The following STAC variants were observed in gnomAD, a reference collection of about 807,000 sequenced individuals.
STAC encodes SH3 and cysteine-rich domain-containing protein.
STAC carries 43 observed loss-of-function variants against 48.8 expected under a neutral mutation model. The observed-to-expected ratio is 0.88, with a 90% CI of 0.69 to 1.14. The LOEUF (loss-of-function observed/expected upper bound fraction) is 1.14, where lower values mean the gene tolerates loss of function less well. STAC is among the 50% of genes most tolerant of loss of function. The pLI, the probability that STAC is intolerant of heterozygous loss-of-function variation, is 0.00. For synonymous variants in STAC, 193 were observed against 179.5 expected, an observed-to-expected ratio of 1.07 and a Z score of -0.60; for missense variants, 497 against 504.0, an observed-to-expected ratio of 0.99 and a Z score of 0.13.
At chr3:36,525,985 A>G (rs958985613) in intron 8 of STAC, among the ~76,000 whole-genome samples, 1 of 152,228 alleles carries the variant, frequency 6.6e-6, no homozygotes, top group African/African-American at 2.4e-5. Flanking sequence ...GTCAGAAAAT[A>G]CATTTTTTTT....
intron 6 of STAC, among the ~76,000 whole-genome samples, chr3:36,502,073 C>T (rs1698294826): frequency 6.6e-6 from 1 of 152,090 alleles, no homozygotes; most frequent in Non-Finnish European, 1.5e-5. Context: ...CTAAAAAACA[C>T]AGTGGTCTTG....
At chr3:36,541,072 A>C (rs1335446705) in intron 10 of STAC, among the ~76,000 whole-genome samples, 1 of 152,180 alleles carries the variant, frequency 6.6e-6, no homozygotes, top group Non-Finnish European at 1.5e-5. Flanking sequence ...GCTATCCTTG[A>C]AATGATAGCT....
Position 36,443,477 on chromosome 3 carries a change from G to A in STAC, c.225G>A (p.Met75Ile), listed in dbSNP as rs1453270279. ...NSEDMKLQAH[M>I]VAEISPSSSP... ...AAGACATGAAACTGCAAGCACACAT[G>A]GTGGCTGAGATCAGCCCCAGCTCCA... The change falls in exon 2 of 11, where the codon ATG becomes ATA. Residue 75 changes from methionine to isoleucine, a missense_variant. Coordinates refer to ENST00000273183, the MANE Select transcript of STAC (RefSeq NM_003149.3). The surrounding 1 kb of genome is among the most constrained non-coding windows in gnomAD (Gnocchi z 4.2). The A allele has an allele frequency of 6.2e-7, 1 of 1,614,206 alleles. No individual in the cohort carries two copies. The highest frequency in any genetic ancestry group is 1.1e-5 in the South Asian group (1 of 91,078).
intron 2 of STAC, among the ~76,000 whole-genome samples, chr3:36,480,098 T>A (rs1436963229): frequency 1.3e-5 from 2 of 152,218 alleles, no homozygotes; most frequent in African/African-American, 4.8e-5. Context: ...TTTTAACATA[T>A]AATGATGCTA....
At chr3:36,398,363 GAA>G (rs200765760) in intron 1 of STAC, among the ~76,000 whole-genome samples, 1 of 124,884 alleles carries the variant, frequency 8.0e-6, no homozygotes, top group Non-Finnish European at 1.7e-5. Context: ...AAGAAAGAAA[GAA>G]AGAAAAGAAA....
At chr3:36,448,764 G>C (rs1438411001) in intron 2 of STAC, among the ~76,000 whole-genome samples, 12 of 152,004 alleles carry the variant, frequency 7.9e-5, no homozygotes, top group Non-Finnish European at 1.8e-4. Flanking sequence ...ACTAAAAAGA[G>C]GAGTTTCTTA....
intron 5 of STAC, among the ~76,000 whole-genome samples, chr3:36,487,101 T>C (rs1697834393): frequency 6.6e-6 from 1 of 152,156 alleles, no homozygotes; most frequent in South Asian, 2.1e-4. Context: ...ACTAGGTGGA[T>C]TGTGGGAAGA....
At chr3:36,489,788 G>A (rs1697917774) in intron 5 of STAC, among the ~76,000 whole-genome samples, 1 of 152,146 alleles carries the variant, frequency 6.6e-6, no homozygotes, top group African/African-American at 2.4e-5. Flanking sequence ...TGTGGTGAGT[G>A]CACGAATCAA....
chr3:36,529,712 C>T (rs962826718), intron 10 of STAC, among the ~76,000 whole-genome samples: 20 of 152,190 alleles, frequency 1.3e-4, no homozygotes, highest in African/African-American at 4.6e-4. Context: ...GCTCTCTGGC[C>T]TACTCTTCCT....
intron 8 of STAC, among the ~76,000 whole-genome samples, chr3:36,525,987 A>G (rs574468235): frequency 8.5e-5 from 13 of 152,154 alleles, no homozygotes; most frequent in Non-Finnish European, 1.5e-5. Context: ...CAGAAAATAC[A>G]TTTTTTTTAA....
chr3:36,520,989 A>G (rs2125725521), intron 8 of STAC, among the ~76,000 whole-genome samples: 1 of 152,292 alleles, frequency 6.6e-6, no homozygotes, highest in East Asian at 1.9e-4. Context: ...GTTCCTTATT[A>G]CATACCCATG....
At chr3:36,434,043 C>T (rs1035378592) in intron 1 of STAC, among the ~76,000 whole-genome samples, 3 of 152,198 alleles carry the variant, frequency 2.0e-5, no homozygotes, top group African/African-American at 4.8e-5. Flanking sequence ...AATCCTCATA[C>T]TAAACACTAC....
intron 1 of STAC, among the ~76,000 whole-genome samples, chr3:36,424,558 G>A (rs6775506): frequency 0.64 from 97,248 of 151,720 alleles, 32,230 homozygotes; most frequent in African/African-American, 0.83. Flanking sequence ...TGCATCTAGT[G>A]CGCAGACATC....
chr3:36,543,562 GCA>G (rs200355788), intron 10 of STAC, among the ~76,000 whole-genome samples: 3,840 of 152,226 alleles, frequency 0.025, 96 homozygotes, highest in Non-Finnish European at 0.032. Flanking sequence ...ACAGCCTCTA[GCA>G]AGCAATGTTT....
chr3:36,505,629 T>TA, intron 7 of STAC, 117 bp from the exon 8 acceptor site: 1 of 676,184 alleles, frequency 1.5e-6, no homozygotes, highest in East Asian at 3.0e-5. Flanking sequence ...AGATAACACT[T>TA]ACGATCCATA....
At chr3:36,490,522 T>C (rs1209426322) in intron 5 of STAC, among the ~76,000 whole-genome samples, 2 of 152,164 alleles carry the variant, frequency 1.3e-5, no homozygotes, top group Admixed American at 6.5e-5. Context: ...TGCAAGCCTC[T>C]TCCATGCTTG....
intron 2 of STAC, among the ~76,000 whole-genome samples, chr3:36,482,332 T>G (rs553541632): frequency 6.6e-6 from 1 of 152,344 alleles, no homozygotes; most frequent in Non-Finnish European, 1.5e-5. Context: ...CCTTTGTGCA[T>G]GAAGATACCA....
chr3:36,545,816 T>C (rs1699431489), intron 10 of STAC, among the ~76,000 whole-genome samples: 1 of 152,168 alleles, frequency 6.6e-6, no homozygotes, highest in African/African-American at 2.4e-5. Flanking sequence ...ATTATTTTGG[T>C]CCTTTAAAAT....
At chr3:36,485,820 C>A (rs1697793629) in intron 4 of STAC, 1 of 188,376 alleles carries the variant, frequency 5.3e-6, no homozygotes, top group East Asian at 1.4e-4. Context: ...AGCACAGCCT[C>A]CCAGTAGAGG....
Sources: allele counts gnomAD v4.1 joint callset (sites outside exome capture counted in the v4.1 genomes callset), GRCh38; gene constraint gnomAD v4.1.1; non-coding constraint Gnocchi (gnomAD v3.1); transcripts MANE v1.5; gene names NCBI Gene and HGNC (gene_info 2026-07-23, HGNC 2026-07-21).